The following NREP variants were observed in gnomAD, a reference collection of about 807,000 sequenced individuals.
NREP encodes the protein neuronal regeneration-related protein.
NREP carries 5 observed loss-of-function variants against 8.6 expected under a neutral mutation model. The ratio of observed to expected loss-of-function variants is 0.58; its 90% CI spans 0.30 to 1.22. The LOEUF is 1.22. NREP is among the 50% of genes most tolerant of loss of function. NREP has a pLI of 0.07. For synonymous variants in NREP, 27 were observed against 28.0 expected (o/e 0.96, Z 0.11); for missense variants, 86 against 82.5 (o/e 1.04, Z -0.17).
chr5:111,934,207 C>T (rs1052981675), intron 2 of NREP, among the ~76,000 whole-genome samples: 4 of 152,140 alleles, frequency 2.6e-5, no homozygotes, highest in African/African-American at 4.8e-5. Context: ...AAGATACTCT[C>T]CAGGTGAGAG....
intron 2 of NREP, among the ~76,000 whole-genome samples, chr5:111,935,328 G>A (rs780829140): frequency 6.6e-6 from 1 of 152,156 alleles, no homozygotes; most frequent in African/African-American, 2.4e-5. Flanking sequence ...ACCCCAGCAC[G>A]GCTTGGACTT....
chr5:111,738,480 C>G (rs774290010), intron 2 of NREP: 8 of 152,304 alleles, frequency 5.3e-5, no homozygotes, highest in Admixed American at 4.6e-4. Context: ...CTAGTCTACT[C>G]GCCAGGTGCT....
intron 2 of NREP, among the ~76,000 whole-genome samples, chr5:111,884,880 C>T (rs2112522559): frequency 6.6e-6 from 1 of 152,268 alleles, no homozygotes; most frequent in African/African-American, 2.4e-5. Flanking sequence ...ACTGAATGGG[C>T]AAAAAGTGGA....
intron 2 of NREP, among the ~76,000 whole-genome samples, chr5:111,747,574 C>T (rs779288114): frequency 6.6e-6 from 1 of 152,092 alleles, no homozygotes; most frequent in African/African-American, 2.4e-5. Context: ...TTATGAGTCT[C>T]CCTGTTGTTT....
intron 2 of NREP, among the ~76,000 whole-genome samples, chr5:111,951,869 G>T (rs1756169936): frequency 6.6e-6 from 1 of 151,892 alleles, no homozygotes; most frequent in Admixed American, 6.6e-5. Flanking sequence ...TATGTTTTCG[G>T]GTAATACTAG....
chr5:111,831,276 G>A lies in NREP; in HGVS notation c.136-95769C>T, dbSNP rs1185263615. Among the ~76,000 whole-genome samples the A allele has an allele frequency of 5.3e-5, 8 of 152,176 alleles. No homozygotes were observed. In the East Asian group the frequency reaches 1.5e-3, roughly 29 times the overall value. On this transcript the variant is annotated intron_variant, in intron 2 of 3. Coordinates refer to the NREP transcript ENST00000395634. ...TACTGGGCTTACCCTTCTCTTGGTG[G>A]CTATCAGTGGTTTCTCTCCTCCACT...
intron 2 of NREP, among the ~76,000 whole-genome samples, chr5:111,921,479 C>CTTCCTCTCAAACAAGGTGTAGGTCACACT (rs1421806190): frequency 6.6e-6 from 1 of 152,154 alleles, no homozygotes; most frequent in East Asian, 1.9e-4. Flanking sequence ...AAACAGCATT[C>CTTCCTCTCAAACAAGGTGTAGGTCACACT]TTCCTCTCAA....
chr5:111,931,212 T>C (rs1280543732), intron 2 of NREP, among the ~76,000 whole-genome samples: 1 of 152,080 alleles, frequency 6.6e-6, no homozygotes, highest in Non-Finnish European at 1.5e-5. Context: ...CTAATTCCCC[T>C]ACCTTGAGTA....
At chr5:111,881,168 G>T (rs1344253895) in intron 2 of NREP, among the ~76,000 whole-genome samples, 5 of 152,216 alleles carry the variant, frequency 3.3e-5, no homozygotes, top group African/African-American at 1.2e-4. Flanking sequence ...CGCACCAGGA[G>T]ATTATATCCC....
chr5:111,912,036 A>G (rs988922802), intron 2 of NREP, among the ~76,000 whole-genome samples: 6 of 152,128 alleles, frequency 3.9e-5, no homozygotes, highest in African/African-American at 1.4e-4. Context: ...CTGTCTGTCT[A>G]CCTTATAAAG....
chr5:111,798,682 T>C (rs533279208), intron 2 of NREP, among the ~76,000 whole-genome samples: 160 of 152,174 alleles, frequency 1.1e-3, no homozygotes, highest in African/African-American at 3.4e-3. Flanking sequence ...TCCATCCAGG[T>C]TGCTGCAAAT....
At chr5:111,756,563 G>T (rs1750725343) in intron 1 of NREP, among the ~76,000 whole-genome samples, 1 of 151,994 alleles carries the variant, frequency 6.6e-6, no homozygotes, top group African/African-American at 2.4e-5. Context: ...ACACATAAAT[G>T]CACATCAGAT....
intron 2 of NREP, among the ~76,000 whole-genome samples, chr5:111,789,124 C>A (rs757131752): frequency 6.6e-6 from 1 of 152,024 alleles, no homozygotes; most frequent in Non-Finnish European, 1.5e-5. Context: ...TATATAAATA[C>A]GTATATACAC....
intron 2 of NREP, among the ~76,000 whole-genome samples, chr5:111,818,383 T>C (rs569511926): frequency 1.3e-5 from 2 of 152,208 alleles, no homozygotes; most frequent in African/African-American, 2.4e-5. Context: ...CGTGGTGTTA[T>C]AGAGATATGG....
At chr5:111,969,785 A>G (rs891584705) in intron 2 of NREP, among the ~76,000 whole-genome samples, 5 of 152,166 alleles carry the variant, frequency 3.3e-5, no homozygotes, top group Non-Finnish European at 7.4e-5. Context: ...AGAATAAATA[A>G]CTTGGTATTT....
In NREP at chr5:111,809,882, T is replaced by C. The variant is rs748479822; in HGVS notation, c.136-74375A>G. ...ACTGGGACTTTGGCGTGTGTGTGTG[T>C]GTGTGTGTGTGTGTGTGTGTGTGTG... On this transcript the variant is annotated intron_variant, in intron 2 of 3. Transcript: ENST00000395634. Among the ~76,000 whole-genome samples the C allele has an allele frequency of 4.5e-3, 662 of 148,470 alleles. 5 individuals are homozygous for C. The highest frequency in any genetic ancestry group is 9.3e-3 in the South Asian group (40 of 4,280).
chr5:111,778,847 A>G (rs1296608324), intron 2 of NREP, among the ~76,000 whole-genome samples: 1 of 152,190 alleles, frequency 6.6e-6, no homozygotes, highest in African/African-American at 2.4e-5. Context: ...AGATACTTCA[A>G]CAGCATACGA....
At chr5:111,906,057 C>T (rs1315583362) in intron 2 of NREP, among the ~76,000 whole-genome samples, 2 of 151,802 alleles carry the variant, frequency 1.3e-5, no homozygotes, top group African/African-American at 4.8e-5. Context: ...TTTTGCTGAC[C>T]ATTTCTTAGT....
At position 111,965,544 on chromosome 5, in the gene NREP, GC is replaced by G. The variant is rs1379079904; in HGVS notation, c.135+9729del. Among the ~76,000 whole-genome samples the G allele has an allele frequency of 2.0e-5, 3 of 152,140 alleles. No homozygotes were observed. In the East Asian group the frequency reaches 5.8e-4, roughly 29 times the overall value. On this transcript the variant is annotated intron_variant, in intron 2 of 3. Coordinates refer to the NREP transcript ENST00000395634. ...CATCCCATAAGCTCACCATTGCCCA[GC>G]TCCACAATTAACTCATGGCCCATTT...
Sources: gnomAD v4.1 joint callset for allele counts (sites outside exome capture counted in the v4.1 genomes callset) on GRCh38, gnomAD v4.1.1 for gene constraint, MANE v1.5 for transcripts, NCBI Gene and HGNC (gene_info 2026-07-23, HGNC 2026-07-21) for gene names.